The following NBAS variants were observed in gnomAD, a reference collection of about 807,000 sequenced individuals.
NBAS encodes the protein NAG/BC035112 fusion.
A neutral mutation model predicts 302.5 loss-of-function variants in NBAS; 219 were observed. That is an observed-to-expected ratio of 0.72 (90% confidence interval 0.65 to 0.81). The LOEUF is 0.81. NBAS is among the 30% of genes least tolerant of loss of function. The probability of loss-of-function intolerance (pLI) is 0.00; values close to 1 mark genes in which losing one functional copy is unlikely to be tolerated. For missense variants in NBAS, 2,932 were observed against 2,841.6 expected (o/e 1.03, Z -0.72); for synonymous variants, 1,118 against 1,021.6 (o/e 1.09, Z -1.80).
the NBAS span, among the ~76,000 whole-genome samples, chr2:15,101,929 C>T: frequency 1.3e-5 from 2 of 152,240 alleles, no homozygotes; most frequent in Non-Finnish European, 2.9e-5. Context: ...ATCCTCTGCG[C>T]TCTCAGGGGA....
chr2:15,527,274 A>T (rs1482411521), intron 9 of NBAS, among the ~76,000 whole-genome samples: 2 of 152,244 alleles, frequency 1.3e-5, no homozygotes, highest in African/African-American at 2.4e-5. Context: ...TGTGGGTTTT[A>T]CAAAGGTATA....
chr2:15,179,170 C>T, intron 50 of NBAS, 54 bp from the exon 51 acceptor site: 2 of 1,612,596 alleles, frequency 1.2e-6, no homozygotes, highest in Non-Finnish European at 1.7e-6. Flanking sequence ...TTCTCACCGG[C>T]ACGGTTCTGG....
At chr2:14,801,640 T>C in the NBAS span, among the ~76,000 whole-genome samples, 1 of 152,132 alleles carries the variant, frequency 6.6e-6, no homozygotes, top group African/African-American at 2.4e-5. Flanking sequence ...GTTTTCAATG[T>C]TTTTTTCCTT....
intron 31 of NBAS, among the ~76,000 whole-genome samples, chr2:15,373,745 A>G (rs1163843924): frequency 1.3e-5 from 2 of 152,194 alleles, no homozygotes; most frequent in African/African-American, 4.8e-5. Flanking sequence ...ATCCAGCTCT[A>G]AACACTACAC....
the NBAS span, among the ~76,000 whole-genome samples, chr2:15,136,410 TG>T: frequency 6.6e-6 from 1 of 152,220 alleles, no homozygotes. Context: ...ACTCTTCAAG[TG>T]TTCTATTGTA....
chr2:14,912,775 T>G, the NBAS span, among the ~76,000 whole-genome samples: 2 of 151,916 alleles, frequency 1.3e-5, 1 homozygote, highest in African/African-American at 4.8e-5. Context: ...AGTTTTCATC[T>G]GTTACAAGGG....
intron 18 of NBAS, 41 bp from the exon 19 acceptor site, chr2:15,467,448 G>T (rs1347991201): frequency 4.0e-6 from 6 of 1,497,930 alleles, no homozygotes; most frequent in Non-Finnish European, 5.6e-6. Context: ...TATTTACACA[G>T]AATTATTTCT....
chr2:15,511,411 A>T, intron 9 of NBAS, 61 bp from the exon 10 acceptor site: 1 of 1,493,208 alleles, frequency 6.7e-7, no homozygotes, highest in East Asian at 2.3e-5. Context: ...AGCAAAACAA[A>T]GAGAGCAGAA....
the NBAS span, among the ~76,000 whole-genome samples, chr2:14,961,102 G>A: frequency 1.3e-5 from 2 of 152,140 alleles, no homozygotes; most frequent in African/African-American, 4.8e-5. Context: ...TGGAGGGGTT[G>A]ACTCTCTGTG....
the NBAS span, among the ~76,000 whole-genome samples, chr2:14,814,823 C>A: frequency 5.6e-4 from 85 of 152,266 alleles, no homozygotes; most frequent in Middle Eastern, 3.4e-3. Flanking sequence ...GTGTCCCCCC[C>A]CAAACTGCAT....
intron 21 of NBAS, among the ~76,000 whole-genome samples, chr2:15,437,140 A>T (rs1421241830): frequency 6.6e-6 from 1 of 151,838 alleles, no homozygotes; most frequent in Non-Finnish European, 1.5e-5. Context: ...GCAATGTTCT[A>T]TGGGACAGGT....
At chr2:15,517,243 A>T (rs1437903087) in intron 9 of NBAS, among the ~76,000 whole-genome samples, 1 of 152,150 alleles carries the variant, frequency 6.6e-6, no homozygotes, top group Non-Finnish European at 1.5e-5. Context: ...TTATTTCTTC[A>T]CCCAGGTAAT....
chr2:15,319,678 C>A (rs1390901147), intron 38 of NBAS, among the ~76,000 whole-genome samples: 1 of 152,082 alleles, frequency 6.6e-6, no homozygotes, highest in Non-Finnish European at 1.5e-5. Context: ...CACATACACC[C>A]TCCCAAGACT....
the NBAS span, among the ~76,000 whole-genome samples, chr2:15,150,844 G>C: frequency 6.6e-6 from 1 of 152,184 alleles, no homozygotes; most frequent in Non-Finnish European, 1.5e-5. Context: ...AGTCCAACCT[G>C]TGACTATTGC....
At chr2:15,217,377 G>T (rs1572466077) in intron 48 of NBAS, among the ~76,000 whole-genome samples, 1 of 152,184 alleles carries the variant, frequency 6.6e-6, no homozygotes, top group East Asian at 1.9e-4. Flanking sequence ...TCATCTCACA[G>T]AGGGAAATAA....
At chr2:15,309,472 G>A (rs1671182361) in intron 38 of NBAS, among the ~76,000 whole-genome samples, 1 of 152,152 alleles carries the variant, frequency 6.6e-6, no homozygotes, top group Non-Finnish European at 1.5e-5. Context: ...TTACACATGA[G>A]GAAATTCTGT....
chr2:14,828,840 T>C, the NBAS span, among the ~76,000 whole-genome samples: 1 of 152,176 alleles, frequency 6.6e-6, no homozygotes, highest in African/African-American at 2.4e-5. Context: ...AGATGTTTCA[T>C]AGGTGTTGGG....
chr2:14,903,334 A>AAAAAAAAAG, the NBAS span, among the ~76,000 whole-genome samples: 2 of 149,824 alleles, frequency 1.3e-5, no homozygotes, highest in Non-Finnish European at 3.0e-5. Context: ...TTGCAAAAAA[A>AAAAAAAAAG]AAAAAAAGAA....
the NBAS span, among the ~76,000 whole-genome samples, chr2:14,947,182 T>C: frequency 6.6e-6 from 1 of 151,956 alleles, no homozygotes; most frequent in South Asian, 2.1e-4. Flanking sequence ...CAGAAATTAA[T>C]GAAATTGAGA....
Sources: allele counts gnomAD v4.1 joint callset (sites outside exome capture counted in the v4.1 genomes callset), GRCh38; gene constraint gnomAD v4.1.1; transcripts MANE v1.5; gene names NCBI Gene and HGNC (gene_info 2026-07-23, HGNC 2026-07-21).